The following KCNN2 variants were observed in gnomAD, a reference collection of about 807,000 sequenced individuals.
KCNN2 encodes small conductance calcium-activated potassium channel protein 2.
In KCNN2, 24 loss-of-function variants were observed where a neutral mutation model predicts 55.5. The ratio of observed to expected loss-of-function variants is 0.43; its 90% CI spans 0.31 to 0.61. The LOEUF is 0.61. KCNN2 is among the 20% of genes least tolerant of loss of function. The pLI is 0.08. For missense variants in KCNN2, 754 were observed against 853.6 expected, an observed-to-expected ratio of 0.88 and a Z score of 1.45; for synonymous variants, 431 against 336.1, an observed-to-expected ratio of 1.28 and a Z score of -3.09.
chr5:114,344,063 C>T (rs979880967), intron 2 of KCNN2, among the ~76,000 whole-genome samples: 1 of 152,062 alleles, frequency 6.6e-6, no homozygotes, highest in African/African-American at 2.4e-5. Flanking sequence ...CTTGGTTAAC[C>T]CAGAGATCTC....
chr5:114,298,640 G>A (rs571356733), intron 2 of KCNN2, among the ~76,000 whole-genome samples: 1 of 152,102 alleles, frequency 6.6e-6, no homozygotes, highest in South Asian at 2.1e-4. Flanking sequence ...TAGAAACCAA[G>A]AATCAAATTA....
chr5:114,067,362 T>A (rs2112519972), intron 1 of KCNN2, among the ~76,000 whole-genome samples: 2 of 152,332 alleles, frequency 1.3e-5, no homozygotes, highest in East Asian at 3.9e-4. Context: ...CTGGCTCAGT[T>A]GAAACTGATG....
chr5:114,069,808 C>T (rs541005116), intron 1 of KCNN2, among the ~76,000 whole-genome samples: 2 of 152,158 alleles, frequency 1.3e-5, no homozygotes, highest in Non-Finnish European at 2.9e-5. Flanking sequence ...ACTGTCATCT[C>T]TTCCTTAGTT....
chr5:114,122,728 A>G (rs959165330), intron 1 of KCNN2, among the ~76,000 whole-genome samples: 2 of 152,190 alleles, frequency 1.3e-5, no homozygotes, highest in African/African-American at 4.8e-5. Flanking sequence ...GAAGCACCCT[A>G]TTTCTCAACA....
chr5:114,472,773 C>T (rs1761810806), intron 4 of KCNN2, among the ~76,000 whole-genome samples: 1 of 152,106 alleles, frequency 6.6e-6, no homozygotes, highest in Non-Finnish European at 1.5e-5. Context: ...TTTAAAAAGT[C>T]TCCAAAAATT....
intron 1 of KCNN2, among the ~76,000 whole-genome samples, chr5:114,191,334 C>T (rs1365287073): frequency 6.6e-6 from 1 of 152,052 alleles, no homozygotes. Context: ...ATTTATGCTT[C>T]AGTGTCTGCC....
At chr5:114,265,801 A>G (rs1266416592) in intron 2 of KCNN2, among the ~76,000 whole-genome samples, 3 of 152,218 alleles carry the variant, frequency 2.0e-5, no homozygotes, top group Non-Finnish European at 4.4e-5. Context: ...CACATGTGTT[A>G]TATAGTTCTT....
At chr5:114,222,316 C>T (rs753148873) in intron 2 of KCNN2, among the ~76,000 whole-genome samples, 6 of 152,096 alleles carry the variant, frequency 3.9e-5, no homozygotes, top group Non-Finnish European at 8.8e-5. Flanking sequence ...TTAGGCACAC[C>T]ATACCAAAGG....
intron 1 of KCNN2, among the ~76,000 whole-genome samples, chr5:114,069,032 C>A (rs1030738992): frequency 2.0e-5 from 3 of 152,116 alleles, no homozygotes; most frequent in African/African-American, 7.2e-5. Context: ...ACAGGCTGGC[C>A]TCGAACTCCT....
chr5:114,311,793 C>T (rs1191623305), intron 2 of KCNN2, among the ~76,000 whole-genome samples: 1 of 152,104 alleles, frequency 6.6e-6, no homozygotes, highest in Non-Finnish European at 1.5e-5. Context: ...TTTTCAAGTT[C>T]TTGCTTTGCC....
At chr5:114,475,734 A>G (rs1347516657) in intron 5 of KCNN2, among the ~76,000 whole-genome samples, 1 of 152,004 alleles carries the variant, frequency 6.6e-6, no homozygotes, top group Admixed American at 6.6e-5. Context: ...TGGGTCCCCT[A>G]AAGTCCGGTC....
intron 2 of KCNN2, among the ~76,000 whole-genome samples, chr5:114,291,518 C>T (rs933724424): frequency 4.0e-5 from 6 of 151,506 alleles, no homozygotes; most frequent in Non-Finnish European, 7.3e-5. Context: ...AGGACATGAA[C>T]TTGTCATTTT....
At chr5:114,466,297 A>G (rs1019219984) in intron 4 of KCNN2, among the ~76,000 whole-genome samples, 2 of 152,110 alleles carry the variant, frequency 1.3e-5, no homozygotes, top group Non-Finnish European at 2.9e-5. Context: ...ATGATAAACA[A>G]TGGGATGATT....
chr5:114,408,942 G>A (rs2150073495), intron 3 of KCNN2, among the ~76,000 whole-genome samples: 1 of 152,270 alleles, frequency 6.6e-6, no homozygotes, highest in Non-Finnish European at 1.5e-5. Context: ...GCAATAAAAG[G>A]TGAAAACTGT....
intron 1 of KCNN2, among the ~76,000 whole-genome samples, chr5:114,122,650 G>C (rs1003223161): frequency 1.6e-4 from 25 of 152,138 alleles, no homozygotes; most frequent in African/African-American, 6.0e-4. Flanking sequence ...CTGCCCATTG[G>C]ATAATTTGTT....
intron 3 of KCNN2, among the ~76,000 whole-genome samples, chr5:114,449,908 A>ACACACG (rs1309590184): frequency 2.7e-3 from 181 of 66,176 alleles, no homozygotes; most frequent in African/African-American, 4.3e-3. Flanking sequence ...ACACACACAC[A>ACACACG]CGCGCGCGCT....
intron 2 of KCNN2, among the ~76,000 whole-genome samples, chr5:114,288,420 G>C (rs1352641263): frequency 6.6e-6 from 1 of 151,418 alleles, no homozygotes; most frequent in Non-Finnish European, 1.5e-5. Flanking sequence ...GTTTTCCACA[G>C]ACCAATTTTA....
At chr5:114,449,908 A>ACACACACACGCGCGCG (rs1309590184) in intron 3 of KCNN2, among the ~76,000 whole-genome samples, 38 of 66,170 alleles carry the variant, frequency 5.7e-4, no homozygotes, top group East Asian at 3.1e-3. Context: ...ACACACACAC[A>ACACACACACGCGCGCG]CGCGCGCGCT....
At chr5:114,237,256 TCACA>T (rs10643853) in intron 2 of KCNN2, among the ~76,000 whole-genome samples, 10,074 of 138,474 alleles carry the variant, frequency 0.073, 354 homozygotes, top group Middle Eastern at 0.13. Context: ...TTGTCAAAAT[TCACA>T]CACACACACA....
Sources: allele counts gnomAD v4.1 joint callset (sites outside exome capture counted in the v4.1 genomes callset), GRCh38; gene constraint gnomAD v4.1.1; transcripts MANE v1.5; gene names NCBI Gene and HGNC (gene_info 2026-07-23, HGNC 2026-07-21).